Variants in KIDINS220 observed in about 807,000 individuals in gnomAD.
KIDINS220 encodes the protein kinase D-interacting substrate of 220 kDa.
A neutral mutation model predicts 157.6 loss-of-function variants in KIDINS220; 63 were observed. That is an observed-to-expected ratio of 0.40 (90% CI 0.33 to 0.49). The LOEUF is 0.49. Among genes scored for constraint, KIDINS220 ranks in the 20% least tolerant of loss-of-function variants. KIDINS220 has a pLI of 0.66. For missense variants in KIDINS220, 1,772 were observed against 2,171.2 expected (o/e 0.82, Z 3.65); for synonymous variants, 732 against 783.6 (o/e 0.93, Z 1.10).
At chr2:8,780,436 G>A (rs1234531350) in intron 17 of KIDINS220, among the ~76,000 whole-genome samples, 1 of 151,960 alleles carries the variant, frequency 6.6e-6, no homozygotes, top group Non-Finnish European at 1.5e-5. Flanking sequence ...TAAAAGGACT[G>A]CTGGTTTCTG....
intron 26 of KIDINS220, among the ~76,000 whole-genome samples, chr2:8,741,805 G>A (rs4669333): frequency 0.48 from 73,535 of 152,058 alleles, 19,607 homozygotes; most frequent in Non-Finnish European, 0.6. Flanking sequence ...GGGAAGTGAA[G>A]ACAATTTTTC....
chr2:8,726,804 C>T, downstream of KIDINS220: 2 of 569,846 alleles, frequency 3.5e-6, no homozygotes, highest in Non-Finnish European at 6.0e-6. Context: ...GGCCCACTGT[C>T]ACAGATGTGG....
intron 22 of KIDINS220, among the ~76,000 whole-genome samples, chr2:8,761,613 AT>A (rs527827060): frequency 8.5e-4 from 125 of 147,630 alleles, no homozygotes; most frequent in Middle Eastern, 3.6e-3. Context: ...TCCTGAAGCC[AT>A]TTTTTTTTTT....
At chr2:8,738,622 G>A (rs781687581) in intron 26 of KIDINS220, among the ~76,000 whole-genome samples, 1 of 152,176 alleles carries the variant, frequency 6.6e-6, no homozygotes, top group African/African-American at 2.4e-5. Context: ...AACCCAAATT[G>A]AGGGACGTTC....
chr2:8,751,319 C>A, intron 23 of KIDINS220, 147 bp downstream of exon 23: 6 of 464,834 alleles, frequency 1.3e-5, no homozygotes, highest in African/African-American at 2.1e-5. Flanking sequence ...GACTCCTAAT[C>A]TTTAATTTCA....
chr2:8,735,785 C>T (rs1451680942), intron 27 of KIDINS220, among the ~76,000 whole-genome samples: 7 of 152,210 alleles, frequency 4.6e-5, no homozygotes, highest in East Asian at 3.9e-4. Flanking sequence ...AGAGGTCCTG[C>T]TGCAACAATG....
In KIDINS220 at chr2:8,798,206, G is replaced by T. The variant is rs771733294; in HGVS notation, c.995C>A (p.Thr332Lys). ...GAATAGAAATGCCATTTATACCTTT[G>T]TGCATATTTCAGTGTCAGGATTGCA... ...LQCNPDTEIC[T>K]KDGETPLIKA... The change falls in exon 10 of 30, where the codon ACA becomes AAA. Residue 332 changes from threonine to lysine, a missense_variant. Thr to Lys is a moderately conservative substitution (Grantham distance 78, BLOSUM62 -1). Transcript: ENST00000256707. The T allele has an allele frequency of 3.8e-6, 6 of 1,584,838 alleles. No homozygotes were observed. The African/African-American group carries it at 5.4e-5, about 14-fold the overall frequency.
chr2:8,801,571 A>C (rs1674704606), intron 8 of KIDINS220, among the ~76,000 whole-genome samples: 1 of 152,212 alleles, frequency 6.6e-6, no homozygotes, highest in Admixed American at 6.5e-5. Context: ...AAAATCATAC[A>C]AACACTATGC....
chr2:8,803,194 A>G (rs1674966250), intron 7 of KIDINS220, 67 bp from the exon 8 acceptor site: 1 of 1,262,266 alleles, frequency 7.9e-7, no homozygotes, highest in Admixed American at 2.4e-5. Context: ...TCTAGAAAAT[A>G]TATGATTTAT....
In KIDINS220 at chr2:8,750,101, A is replaced by G; in HGVS notation, c.3414+11T>C. 1 of 1,605,956 alleles carries G rather than the reference A, an allele frequency of 6.2e-7. No homozygotes were observed. Among genetic ancestry groups the G allele is most frequent in the Non-Finnish European group, 8.5e-7 (1 of 1,175,198 alleles). On this transcript the variant is annotated intron_variant, in intron 24 of 29. Coordinates refer to ENST00000256707, the MANE Select transcript of KIDINS220 (RefSeq NM_020738.4). Reference sequence around the variant, plus strand: ...AATTCTTAAAAATAAAGCTGCCTCCAACTTCCTTACCCTGTTGTAGAAGGG... The same window carrying G: ...AATTCTTAAAAATAAAGCTGCCTCCGACTTCCTTACCCTGTTGTAGAAGGG...
At chr2:8,728,693 T>C (rs1310812162), downstream of KIDINS220, among the ~76,000 whole-genome samples, 1 of 152,228 alleles carries the variant, frequency 6.6e-6, no homozygotes, top group Non-Finnish European at 1.5e-5. Flanking sequence ...GGCGCTAGCA[T>C]GCTGTGGGCA....
chr2:8,726,689 C>T (rs1009693961), downstream of KIDINS220, among the ~76,000 whole-genome samples: 2 of 152,220 alleles, frequency 1.3e-5, no homozygotes, highest in East Asian at 1.9e-4. Flanking sequence ...CCTAGCTACA[C>T]ATCTGTACAG....
chr2:8,785,751 C>A lies in KIDINS220; in HGVS notation c.2219G>T (p.Gly740Val). 1 of 1,606,594 alleles carries A rather than the reference C, an allele frequency of 6.2e-7. No homozygotes were observed. Among genetic ancestry groups the A allele is most frequent in the South Asian group, 1.1e-5 (1 of 89,094 alleles). Residue 740 changes from glycine to valine, a missense_variant, in exon 17 of 30, where the codon GGA (glycine) becomes GTA (valine). By Grantham distance (109) the Gly-to-Val change is moderately radical. This residue lies in a region of KIDINS220 where 725 missense variants were observed against 1,017.1 expected (regional missense o/e 0.71). Transcript: ENST00000256707. Reference protein sequence around the residue: ...ASKLHKLKSEGFMKVLKCEVE... With the variant: ...ASKLHKLKSEVFMKVLKCEVE... ...CCAATGAGTGCTTACTTTCATGAAT[C>A]CTTCACTTTTCAATTTGTGCAGTTT...
In KIDINS220 at chr2:8,786,349, A is replaced by T. The variant is rs747173862; in HGVS notation, c.1796T>A (p.Phe599Tyr). The change falls in exon 16 of 30, where the codon TTT becomes TAT. Residue 599 changes from phenylalanine to tyrosine, a missense_variant. Phe to Tyr is a conservative substitution (Grantham distance 22, BLOSUM62 3). Around this residue, in one of 3 missense-constraint regions of KIDINS220, gnomAD observed 725 missense variants for 1,017.1 expected, o/e 0.71. Transcript: ENST00000256707. Reference sequence around the variant, plus strand: ...ACTGGACAGTCTATTGTAATCTGTAAACAAAAACCTTGAAGAAAAGAACAA... The same window carrying T: ...ACTGGACAGTCTATTGTAATCTGTATACAAAAACCTTGAAGAAAAGAACAA... ...TTKALPVRFL[F>Y]TDYNRLSSVG... 2 of 1,611,926 alleles carry T rather than the reference A, an allele frequency of 1.2e-6. No individual in the cohort carries two copies. The highest frequency in any genetic ancestry group is 1.7e-6 in the Non-Finnish European group (2 of 1,178,836).
chr2:8,793,930 G>A lies in KIDINS220; in HGVS notation c.1156C>T (p.Leu386=). 6.2e-7 allele frequency: 1 copy of A among 1,613,928 alleles called. No homozygotes were observed. Among genetic ancestry groups the A allele is most frequent in the Non-Finnish European group, 8.5e-7 (1 of 1,179,944 alleles). The change falls in exon 12 of 30, where the codon CTG becomes TTG. Residue 386 remains leucine (L), a synonymous_variant. Coordinates refer to ENST00000256707, the MANE Select transcript of KIDINS220 (RefSeq NM_020738.4). ...CCATCTTTGGGATTTCTTAAAAGCAGTTCTGCCAGTTTCCGGCTCCTTCCA... is the reference window on the plus strand; with the variant it reads ...CCATCTTTGGGATTTCTTAAAAGCAATTCTGCCAGTTTCCGGCTCCTTCCA... ...IRGRSRKLAE[L]LLRNPKDGRL... is the part of the protein sequence containing the mutation.
At chr2:8,737,945 CA>C (rs1349983154) in intron 26 of KIDINS220, among the ~76,000 whole-genome samples, 2 of 152,200 alleles carry the variant, frequency 1.3e-5, no homozygotes, top group Non-Finnish European at 2.9e-5. Flanking sequence ...TCCACCATGT[CA>C]TAACATGCCA....
At chr2:8,739,222 T>G (rs773297747) in intron 26 of KIDINS220, among the ~76,000 whole-genome samples, 11 of 152,216 alleles carry the variant, frequency 7.2e-5, no homozygotes, top group Non-Finnish European at 1.0e-4. Context: ...TCAAGCATAT[T>G]TTATCCTTCA....
At chr2:8,801,561 A>C (rs1365486432) in intron 8 of KIDINS220, among the ~76,000 whole-genome samples, 1 of 152,234 alleles carries the variant, frequency 6.6e-6, no homozygotes, top group Admixed American at 6.5e-5. Context: ...CAATAAACAA[A>C]AAATCATACA....
Position 8,745,723 on chromosome 2 carries a change from C to A in KIDINS220, c.3585+1422G>T, listed in dbSNP as rs1666449008. ...CTGAGGCAGGAGAATCGCTTGAAACCAGAAGGCTGAGGTTGCAGTGAGCTG... is the reference window on the plus strand; with the variant it reads ...CTGAGGCAGGAGAATCGCTTGAAACAAGAAGGCTGAGGTTGCAGTGAGCTG... On this transcript the variant is annotated intron_variant, in intron 26 of 29. Transcript: ENST00000256707. Among the ~76,000 whole-genome samples, 3 of 152,120 alleles carry A rather than the reference C, an allele frequency of 2.0e-5. No individual in the cohort carries two copies. The South Asian group carries it at 6.2e-4, about 32-fold the overall frequency.
Sources: gnomAD v4.1 joint callset for allele counts (sites outside exome capture counted in the v4.1 genomes callset) on GRCh38, gnomAD v4.1.1 for gene constraint, gnomAD v4.1.1 regional missense constraint, MANE v1.5 for transcripts, NCBI Gene and HGNC (gene_info 2026-07-23, HGNC 2026-07-21) for gene names.